The following CHP1 variants were observed in gnomAD, a reference collection of about 807,000 sequenced individuals.
The protein encoded by CHP1 is calcineurin like EF-hand protein 1.
In CHP1, 11 loss-of-function variants were observed where a neutral mutation model predicts 27.4. The observed-to-expected ratio is 0.40, with a 90% CI of 0.25 to 0.67. The LOEUF is 0.67. Ranked by LOEUF, CHP1 falls within the 30% of genes least tolerant of loss-of-function variation. CHP1 has a pLI of 0.38. For synonymous variants in CHP1, 89 were observed against 87.4 expected (o/e 1.02, Z -0.10); for missense variants, 169 against 251.3 (o/e 0.67, Z 2.22).
intron 4 of CHP1, among the ~76,000 whole-genome samples, chr15:41,265,493 TGA>T (rs1347664832): frequency 6.6e-6 from 1 of 150,574 alleles, no homozygotes; most frequent in African/African-American, 2.4e-5. Context: ...GTGGATCACT[TGA>T]GATCAGGGGT....
At chr15:41,263,901 C>A (rs887999269) in intron 4 of CHP1, among the ~76,000 whole-genome samples, 1 of 151,976 alleles carries the variant, frequency 6.6e-6, no homozygotes, top group Non-Finnish European at 1.5e-5. Flanking sequence ...ACAAAATCTT[C>A]GAAATAGCAC....
rs34921023 is a variant in CHP1, at chr15:41,280,505, A to ATTTTTTTTTTT, written c.*1133_*1143dup. 1 of 111,340 alleles carries ATTTTTTTTTTT rather than the reference A, an allele frequency of 9.0e-6. No individual in the cohort carries two copies. 6.9% of individuals were successfully genotyped at this position (111,340 alleles called of 1,614,324 possible). ...GGAAGTGCCTAATATCCCAGTCCAA[A>ATTTTTTTTTTT]TTTTTTTTTTTTTTTTTTTTTTTTT... On this transcript the variant is annotated 3_prime_UTR_variant, in exon 7 of 7. Transcript: ENST00000334660.
intron 4 of CHP1, among the ~76,000 whole-genome samples, chr15:41,265,645 A>G (rs1210862427): frequency 6.6e-6 from 1 of 150,856 alleles, no homozygotes; most frequent in Non-Finnish European, 1.5e-5. Context: ...TGGGGGGCAG[A>G]GGTTGCAGTT....
chr15:41,247,130 AG>A (rs1162336571), intron 2 of CHP1, among the ~76,000 whole-genome samples: 1 of 152,086 alleles, frequency 6.6e-6, no homozygotes, highest in East Asian at 1.9e-4. Context: ...GCACTTTGGG[AG>A]GCCAAGGCAG....
intron 5 of CHP1, among the ~76,000 whole-genome samples, chr15:41,276,331 CCT>C (rs1294761106): frequency 1.3e-5 from 2 of 151,974 alleles, no homozygotes; most frequent in Non-Finnish European, 2.9e-5. Context: ...GGCTAGAGGC[CCT>C]TTCCTTTCTG....
At chr15:41,264,050 G>A (rs555203543) in intron 4 of CHP1, 9 of 475,682 alleles carry the variant, frequency 1.9e-5, no homozygotes, top group South Asian at 1.6e-4. Flanking sequence ...AAGAACTAGG[G>A]ATTTTTCTCT....
intron 1 of CHP1, among the ~76,000 whole-genome samples, chr15:41,236,287 G>T (rs1221190289): frequency 6.6e-6 from 1 of 151,880 alleles, no homozygotes; most frequent in Non-Finnish European, 1.5e-5. Context: ...TTTCAGACAG[G>T]GTCTTGCTCT....
chr15:41,268,606 C>T (rs139491765), intron 4 of CHP1, among the ~76,000 whole-genome samples: 2,130 of 150,090 alleles, frequency 0.014, 59 homozygotes, highest in African/African-American at 0.05. Context: ...CATGCCACTG[C>T]ACTCCAGCCT....
chr15:41,232,564 G>T (rs1229396911), intron 1 of CHP1, among the ~76,000 whole-genome samples: 6 of 151,996 alleles, frequency 3.9e-5, no homozygotes, highest in African/African-American at 1.4e-4. Context: ...CTGAACAAAG[G>T]AGCAAAAGGA....
intron 2 of CHP1, among the ~76,000 whole-genome samples, chr15:41,253,026 C>T (rs1349265301): frequency 1.3e-5 from 2 of 148,566 alleles, no homozygotes; most frequent in Non-Finnish European, 3.0e-5. Flanking sequence ...GCAACCTCCA[C>T]CTCCCAGGTT....
chr15:41,274,744 G>A, intron 5 of CHP1, among the ~76,000 whole-genome samples: 1 of 151,108 alleles, frequency 6.6e-6, no homozygotes, highest in East Asian at 2.0e-4. Context: ...CACAGGGAAT[G>A]TGGCAAATGG....
At chr15:41,266,675 C>T (rs572491679) in intron 4 of CHP1, among the ~76,000 whole-genome samples, 45 of 152,124 alleles carry the variant, frequency 3.0e-4, no homozygotes, top group African/African-American at 1.0e-3. Flanking sequence ...ATGTTGTGTA[C>T]ACATACAATG....
At chr15:41,255,481 T>C (rs1164810382) in intron 2 of CHP1, among the ~76,000 whole-genome samples, 3 of 152,210 alleles carry the variant, frequency 2.0e-5, no homozygotes, top group Admixed American at 6.5e-5. Context: ...AAGACCAGCC[T>C]GGCCAATGTG....
At chr15:41,255,385 T>C (rs1189501077) in intron 2 of CHP1, among the ~76,000 whole-genome samples, 3 of 152,232 alleles carry the variant, frequency 2.0e-5, no homozygotes, top group South Asian at 2.1e-4. Context: ...TATTGAAAAA[T>C]TGGGGGACTG....
intron 1 of CHP1, among the ~76,000 whole-genome samples, chr15:41,235,460 G>A (rs2047272103): frequency 6.6e-6 from 1 of 152,148 alleles, no homozygotes; most frequent in South Asian, 2.1e-4. Flanking sequence ...GGAGGTCAAG[G>A]CTGCAGTGAG....
intron 6 of CHP1, among the ~76,000 whole-genome samples, 170 bp from the exon 7 acceptor site, chr15:41,279,166 A>G (rs1458436334): frequency 6.6e-6 from 1 of 151,232 alleles, no homozygotes; most frequent in East Asian, 1.9e-4. Context: ...AGCCGAGACC[A>G]CACCACTGCA....
intron 5 of CHP1, 42 bp from the exon 6 acceptor site, chr15:41,278,725 G>C: frequency 1.2e-6 from 2 of 1,612,690 alleles, no homozygotes; most frequent in East Asian, 2.2e-5. Context: ...GAGTCCCTCT[G>C]ATTCCCAAGG....
chr15:41,277,716 A>G (rs1242571853), intron 5 of CHP1, among the ~76,000 whole-genome samples: 1 of 149,966 alleles, frequency 6.7e-6, no homozygotes. Context: ...TGAACTGGGG[A>G]GGCAGAGGTT....
chr15:41,261,717 G>T (rs1370203186), intron 3 of CHP1, among the ~76,000 whole-genome samples: 1 of 151,942 alleles, frequency 6.6e-6, no homozygotes, highest in South Asian at 2.1e-4. Context: ...AATTAGGCTG[G>T]GTGCAGCAGC....
Sources: gnomAD v4.1 joint callset for allele counts (sites outside exome capture counted in the v4.1 genomes callset) on GRCh38, gnomAD v4.1.1 for gene constraint, MANE v1.5 for transcripts, NCBI Gene and HGNC (gene_info 2026-07-23, HGNC 2026-07-21) for gene names.